GPBP1: variants seen among roughly 807,000 people sequenced by gnomAD.
GPBP1 encodes the protein GC-rich promoter binding protein 1.
In GPBP1, 13 loss-of-function variants were observed where a neutral mutation model predicts 56.5. The observed-to-expected ratio is 0.23, with a 90% CI of 0.15 to 0.37. GPBP1 has a LOEUF of 0.37. Ranked by LOEUF, GPBP1 falls within the 10% of genes least tolerant of loss-of-function variation. GPBP1 has a pLI of 1.00. For synonymous variants in GPBP1, 204 were observed against 188.9 expected, an observed-to-expected ratio of 1.08 and a Z score of -0.66; for missense variants, 477 against 572.3, an observed-to-expected ratio of 0.83 and a Z score of 1.70.
At chr5:57,193,980 T>A (rs568963418) in intron 2 of GPBP1, among the ~76,000 whole-genome samples, 17 of 152,210 alleles carry the variant, frequency 1.1e-4, no homozygotes, top group Non-Finnish European at 2.9e-5. Flanking sequence ...TAGTTTCTTA[T>A]GTATTTTAGA....
At position 57,199,918 on chromosome 5, in the gene GPBP1, G is replaced by GT. The variant is rs991779105; in HGVS notation, c.-57-14145dup. Among the ~76,000 whole-genome samples the GT allele has an allele frequency of 9.2e-4, 130 of 140,662 alleles. 1 individual carries two copies. Among genetic ancestry groups the GT allele is most frequent in the Admixed American group, 1.9e-3 (27 of 13,938 alleles). The allele number at this position is 140,662 out of a possible 152,430, so 92.3% of individuals were successfully genotyped here. On this transcript the variant is annotated intron_variant, in intron 2 of 11. Transcript: ENST00000506184. ...GGTTTCAGATGTATTTTTAACAGTGGTTTTTTTTTTTCTTTTGGAACTCTT... is the reference window on the plus strand; with the variant it reads ...GGTTTCAGATGTATTTTTAACAGTGGTTTTTTTTTTTTCTTTTGGAACTCTT...
chr5:57,254,570 G>A (rs746924214), intron 10 of GPBP1, among the ~76,000 whole-genome samples: 23 of 151,854 alleles, frequency 1.5e-4, no homozygotes, highest in Non-Finnish European at 2.5e-4. Flanking sequence ...TGGTGCATGC[G>A]TGTAATCCGA....
intron 10 of GPBP1, among the ~76,000 whole-genome samples, chr5:57,257,178 GCACCCGC>G (rs1271936765): frequency 1.3e-5 from 2 of 151,238 alleles, no homozygotes; most frequent in Admixed American, 6.6e-5. Context: ...GGGATTACAG[GCACCCGC>G]CACAACACCT....
At chr5:57,212,170 C>A (rs1328497435) in intron 2 of GPBP1, among the ~76,000 whole-genome samples, 2 of 151,706 alleles carry the variant, frequency 1.3e-5, no homozygotes, top group African/African-American at 2.4e-5. Context: ...CCTTGTGATC[C>A]ACCCACCCCA....
intron 2 of GPBP1, among the ~76,000 whole-genome samples, chr5:57,192,703 C>T (rs1176160321): frequency 2.1e-5 from 3 of 140,000 alleles, no homozygotes; most frequent in Admixed American, 8.0e-5. Context: ...CGGTGAGCTG[C>T]GATCACGCCA....
intron 2 of GPBP1, among the ~76,000 whole-genome samples, chr5:57,188,941 C>T (rs1247927645): frequency 6.6e-6 from 1 of 152,152 alleles, no homozygotes; most frequent in Non-Finnish European, 1.5e-5. Context: ...TAAATGTATT[C>T]ATTAATATCC....
chr5:57,251,224 G>C, intron 10 of GPBP1, 83 bp downstream of exon 10: 3 of 1,208,736 alleles, frequency 2.5e-6, no homozygotes, highest in South Asian at 1.5e-5. Flanking sequence ...GATTTAACAG[G>C]TTTATTGGAA....
chr5:57,195,993 AAAAAAAAAAAAAATT>A (rs1399406680), intron 2 of GPBP1, among the ~76,000 whole-genome samples: 8 of 149,292 alleles, frequency 5.4e-5, no homozygotes, highest in Non-Finnish European at 1.0e-4. Flanking sequence ...AAAAAAAAAA[AAAAAAAAAAAAAATT>A]TTTTTTTTTT....
chr5:57,226,729 CTTTTTT>C (rs70999067), intron 3 of GPBP1, among the ~76,000 whole-genome samples: 5 of 77,122 alleles, frequency 6.5e-5, no homozygotes, highest in African/African-American at 1.2e-4. Context: ...TTTTTGTATT[CTTTTTT>C]TTTTTTTTTT....
chr5:57,187,817 G>C (rs548265625), intron 2 of GPBP1, among the ~76,000 whole-genome samples: 2 of 152,102 alleles, frequency 1.3e-5, no homozygotes, highest in African/African-American at 4.8e-5. Context: ...TGATCAACCA[G>C]GAGGGAGAGA....
intron 2 of GPBP1, among the ~76,000 whole-genome samples, chr5:57,195,567 T>G (rs1053604173): frequency 2.0e-5 from 3 of 152,178 alleles, no homozygotes; most frequent in Non-Finnish European, 4.4e-5. Context: ...AAAACTGAAT[T>G]CTGTACCATA....
intron 3 of GPBP1, among the ~76,000 whole-genome samples, chr5:57,228,805 G>GAA (rs59587632): frequency 1.1e-4 from 16 of 142,720 alleles, no homozygotes; most frequent in African/African-American, 3.3e-4. Flanking sequence ...ATGCAAGACT[G>GAA]AAAAAAAAAA....
chr5:57,187,366 C>G (rs1273244961), intron 2 of GPBP1, among the ~76,000 whole-genome samples: 1 of 152,124 alleles, frequency 6.6e-6, no homozygotes, highest in African/African-American at 2.4e-5. Flanking sequence ...AACTTATTTA[C>G]TATGATATAT....
intron 2 of GPBP1, among the ~76,000 whole-genome samples, chr5:57,196,525 G>A (rs1192014618): frequency 6.6e-6 from 1 of 152,116 alleles, no homozygotes; most frequent in Non-Finnish European, 1.5e-5. Flanking sequence ...AATAACCACT[G>A]AACAAATTTG....
intron 3 of GPBP1, among the ~76,000 whole-genome samples, chr5:57,224,123 G>A (rs1210301891): frequency 2.6e-5 from 4 of 151,994 alleles, no homozygotes; most frequent in East Asian, 1.9e-4. Flanking sequence ...ATGAGCCACC[G>A]CGCCCGGCCT....
At chr5:57,181,531 T>C (rs1445136478) in intron 2 of GPBP1, among the ~76,000 whole-genome samples, 2 of 149,302 alleles carry the variant, frequency 1.3e-5, no homozygotes, top group African/African-American at 5.0e-5. Flanking sequence ...CCTAATACTT[T>C]GGGAGCCTGA....
chr5:57,205,140 G>C (rs554623811), intron 2 of GPBP1, among the ~76,000 whole-genome samples: 1 of 152,184 alleles, frequency 6.6e-6, no homozygotes, highest in African/African-American at 2.4e-5. Context: ...AGTAACACCA[G>C]TTTGCTTTTT....
At chr5:57,229,829 A>G (rs1056051779) in intron 3 of GPBP1, among the ~76,000 whole-genome samples, 9 of 151,860 alleles carry the variant, frequency 5.9e-5, no homozygotes, top group African/African-American at 1.9e-4. Flanking sequence ...GTGAGCCACC[A>G]TGCCTGGCCT....
chr5:57,194,637 A>C (rs577237520), intron 2 of GPBP1, among the ~76,000 whole-genome samples: 204 of 152,120 alleles, frequency 1.3e-3, no homozygotes, highest in African/African-American at 4.3e-3. Flanking sequence ...TTTTGTACCA[A>C]CTAACCTCCC....
Sources: gnomAD v4.1 joint callset for allele counts (sites outside exome capture counted in the v4.1 genomes callset) on GRCh38, gnomAD v4.1.1 for gene constraint, MANE v1.5 for transcripts, NCBI Gene and HGNC (gene_info 2026-07-23, HGNC 2026-07-21) for gene names.